Variants in TM9SF2 observed in about 807,000 individuals in gnomAD.
TM9SF2 encodes transmembrane 9 superfamily member 2, also known as 76 kDa membrane protein.
Under a neutral mutation model 84.9 loss-of-function variants are expected in TM9SF2, and 13 were observed. That is an observed-to-expected ratio of 0.15 (90% CI 0.10 to 0.24). The LOEUF (loss-of-function observed/expected upper bound fraction) is 0.24. TM9SF2 is among the 10% of genes least tolerant of loss of function. The pLI, the probability that TM9SF2 is intolerant of heterozygous loss-of-function variation, is 1.00. For synonymous variants in TM9SF2, 273 were observed against 285.8 expected, an observed-to-expected ratio of 0.96 and a Z score of 0.45; for missense variants, 562 against 818.5, an observed-to-expected ratio of 0.69 and a Z score of 3.82.
intron 4 of TM9SF2, among the ~76,000 whole-genome samples, chr13:99,530,475 G>A (rs895769018): frequency 2.4e-4 from 37 of 152,142 alleles, no homozygotes; most frequent in African/African-American, 8.2e-4. Flanking sequence ...TTAACGCAAG[G>A]ATGCCACAAA....
chr13:99,550,209 A>G (rs1323478229), intron 12 of TM9SF2, among the ~76,000 whole-genome samples: 2 of 152,098 alleles, frequency 1.3e-5, no homozygotes, highest in Non-Finnish European at 2.9e-5. Flanking sequence ...TGTCTCCCCT[A>G]AAAAGGGATC....
chr13:99,517,569 G>C (rs371959867), intron 1 of TM9SF2, 45 bp from the exon 2 acceptor site: 2 of 1,302,608 alleles, frequency 1.5e-6, no homozygotes, highest in Middle Eastern at 1.9e-4. Flanking sequence ...TTAAGGCTTT[G>C]TGTCCTGTTG....
intron 3 of TM9SF2, among the ~76,000 whole-genome samples, chr13:99,526,630 A>G (rs896941708): frequency 2.6e-5 from 4 of 152,190 alleles, no homozygotes; most frequent in Admixed American, 1.3e-4. Flanking sequence ...GCTGTCATTG[A>G]TAAAGGCAGG....
chr13:99,503,804 A>G (rs555741520), intron 1 of TM9SF2, among the ~76,000 whole-genome samples: 1 of 151,708 alleles, frequency 6.6e-6, no homozygotes, highest in South Asian at 2.1e-4. Flanking sequence ...TTCCAGTTAG[A>G]TGATTGTTTT....
chr13:99,519,132 A>G (rs1594047972), intron 2 of TM9SF2, among the ~76,000 whole-genome samples: 1 of 152,234 alleles, frequency 6.6e-6, no homozygotes. Flanking sequence ...AGAAAAGAAT[A>G]CAGAAGACAT....
intron 10 of TM9SF2, among the ~76,000 whole-genome samples, chr13:99,544,359 AAC>A (rs2046273934): frequency 1.3e-5 from 2 of 151,780 alleles, no homozygotes; most frequent in African/African-American, 2.4e-5. Flanking sequence ...AAAAACAAAA[AAC>A]ACCACAGTTT....
In TM9SF2 at chr13:99,501,567, A is replaced by T; in HGVS notation, c.-40A>T. 1 of 1,583,764 alleles carries T rather than the reference A, an allele frequency of 6.3e-7. No homozygotes were observed. The highest frequency in any genetic ancestry group is 1.4e-5 in the African/African-American group (1 of 71,782). On this transcript the variant is annotated 5_prime_UTR_variant, in exon 1 of 17. Coordinates refer to ENST00000376387, the MANE Select transcript of TM9SF2 (RefSeq NM_004800.3). ...ACTCCCCACCCCTCCTTCCCTCTTG[A>T]CCCCCTAGGTTTGATTGCCCTTTCC...
chr13:99,558,815 G>T (rs375177440), intron 15 of TM9SF2, among the ~76,000 whole-genome samples: 1 of 152,144 alleles, frequency 6.6e-6, no homozygotes, highest in African/African-American at 2.4e-5. Flanking sequence ...ATTCCAAAGG[G>T]CAAGAGAGAT....
chr13:99,510,503 C>T (rs1024368790), intron 1 of TM9SF2, among the ~76,000 whole-genome samples: 2 of 152,198 alleles, frequency 1.3e-5, no homozygotes, highest in Non-Finnish European at 2.9e-5. Flanking sequence ...CATCACTCTG[C>T]TTCTGGGGAG....
chr13:99,552,761 A>C (rs553751904), intron 13 of TM9SF2, among the ~76,000 whole-genome samples: 1 of 152,270 alleles, frequency 6.6e-6, no homozygotes, highest in South Asian at 2.1e-4. Flanking sequence ...GTGCCACCAC[A>C]CCCAGCTAAT....
At chr13:99,526,538 A>G (rs1272649294) in intron 3 of TM9SF2, among the ~76,000 whole-genome samples, 1 of 152,138 alleles carries the variant, frequency 6.6e-6, no homozygotes, top group African/African-American at 2.4e-5. Context: ...GGAGGTGATG[A>G]ACATTTGAGC....
At chr13:99,560,030 GTAT>G (rs2046337897) in intron 16 of TM9SF2, among the ~76,000 whole-genome samples, 1 of 152,076 alleles carries the variant, frequency 6.6e-6, no homozygotes, top group Admixed American at 6.5e-5. Context: ...GATATAGTGT[GTAT>G]TTTATTGGTA....
At position 99,540,750 on chromosome 13, in the gene TM9SF2, T is replaced by A; in HGVS notation, c.865T>A (p.Tyr289Asn). 6.2e-7 allele frequency: 1 copy of A among 1,613,842 alleles called. No individual in the cohort carries two copies. Among genetic ancestry groups the A allele is most frequent in the Non-Finnish European group, 8.5e-7 (1 of 1,179,880 alleles). The part of the protein sequence containing the change: ...DKIRWASRWD[Y>N]ILESMPHTHI... ...GATCAGATGGGCGTCTAGATGGGAC[T>A]ATATTCTGGAGTCTATGCCTCATAC... The change falls in exon 8 of 17, where the codon TAT (tyrosine) becomes AAT (asparagine). Residue 289 changes from tyrosine (Y) to asparagine (N), a missense_variant. By Grantham distance (143) the Tyr-to-Asn change is moderately radical. Around this residue, in one of 4 missense-constraint regions of TM9SF2, gnomAD observed 219 missense variants for 338.1 expected, o/e 0.65. Coordinates refer to ENST00000376387, the MANE Select transcript of TM9SF2 (RefSeq NM_004800.3).
In TM9SF2 at chr13:99,517,611, C is replaced by T. The variant is rs1401375126; in HGVS notation, c.172-3C>T. On this transcript the variant is annotated splice_polypyrimidine_tract_variant and splice_region_variant and intron_variant, in intron 1 of 16. Transcript: ENST00000376387. ...TTCTAATTTTGTGTTTCCTTATTTT[C>T]AGGCCGAAATAGAACTATTTGTGAA... 17 of 1,555,758 alleles carry T rather than the reference C, an allele frequency of 1.1e-5. No homozygotes were observed. The highest frequency in any genetic ancestry group is 1.4e-5 in the Non-Finnish European group (16 of 1,151,374).
intron 1 of TM9SF2, among the ~76,000 whole-genome samples, chr13:99,507,066 G>A (rs1025440623): frequency 6.6e-6 from 1 of 152,134 alleles, no homozygotes; most frequent in African/African-American, 2.4e-5. Flanking sequence ...TAAAGACTAC[G>A]ATTTGTGTGT....
intron 5 of TM9SF2, 69 bp downstream of exon 5, chr13:99,536,806 G>A: frequency 1.3e-6 from 2 of 1,554,548 alleles, no homozygotes; most frequent in South Asian, 1.2e-5. Flanking sequence ...TCTTTACCTG[G>A]ACAAAAATTG....
chr13:99,547,855 T>C (rs75481193), intron 11 of TM9SF2, among the ~76,000 whole-genome samples: 1 of 152,150 alleles, frequency 6.6e-6, no homozygotes, highest in East Asian at 1.9e-4. Flanking sequence ...TGAAGCACAG[T>C]AGAGTTACGT....
At chr13:99,541,234 C>T (rs1486873113) in intron 8 of TM9SF2, among the ~76,000 whole-genome samples, 1 of 152,168 alleles carries the variant, frequency 6.6e-6, no homozygotes, top group Non-Finnish European at 1.5e-5. Flanking sequence ...AGTTGTTCTT[C>T]AGTAAATTTC....
intron 1 of TM9SF2, among the ~76,000 whole-genome samples, chr13:99,509,927 T>A (rs1006960067): frequency 6.6e-6 from 1 of 152,250 alleles, no homozygotes; most frequent in Admixed American, 6.5e-5. Flanking sequence ...TGTTTAAATA[T>A]AAATTCCAGC....
Sources: gnomAD v4.1 joint callset for allele counts (sites outside exome capture counted in the v4.1 genomes callset) on GRCh38, gnomAD v4.1.1 for gene constraint, gnomAD v4.1.1 regional missense constraint, MANE v1.5 for transcripts, NCBI Gene and HGNC (gene_info 2026-07-23, HGNC 2026-07-21) for gene names.